DIAPH2: variants seen among roughly 807,000 people sequenced by gnomAD.
DIAPH2 encodes the protein protein diaphanous homolog 2.
A neutral mutation model predicts 92.7 loss-of-function variants in DIAPH2; 35 were observed. The observed-to-expected ratio is 0.38, with a 90% CI of 0.29 to 0.50. The LOEUF is 0.50. DIAPH2 is among the 20% of genes least tolerant of loss of function. The probability of loss-of-function intolerance (pLI) is 0.94; values close to 1 mark genes in which losing one functional copy is unlikely to be tolerated. For synonymous variants in DIAPH2, 301 were observed against 280.4 expected, an observed-to-expected ratio of 1.07 and a Z score of -0.73; for missense variants, 701 against 819.5, an observed-to-expected ratio of 0.86 and a Z score of 1.77.
chrX:97,534,582 C>A (rs1208774399), intron 26 of DIAPH2, among the ~76,000 whole-genome samples: 2 of 111,238 alleles, frequency 1.8e-5, no homozygotes, highest in Non-Finnish European at 3.8e-5. Context: ...AATTTTATTT[C>A]TTAATTTTAA....
At chrX:97,247,609 A>G (rs949795293) in intron 22 of DIAPH2, 106 bp from the exon 23 acceptor site, 2 of 721,881 alleles carry the variant, frequency 2.8e-6, no homozygotes, top group South Asian at 3.6e-5. Context: ...TCATGGAACT[A>G]TTTCCCACAT....
intron 5 of DIAPH2, among the ~76,000 whole-genome samples, chrX:96,898,605 T>A (rs2065366090): frequency 9.3e-6 from 1 of 107,806 alleles, no homozygotes; most frequent in Non-Finnish European, 1.9e-5. Flanking sequence ...TTGTTTGAGT[T>A]CATTGTAGAT....
chrX:97,496,868 GATA>G (rs1280465297), intron 26 of DIAPH2, among the ~76,000 whole-genome samples: 1 of 111,032 alleles, frequency 9.0e-6, no homozygotes, highest in African/African-American at 3.3e-5. Context: ...TGAAAAGGGA[GATA>G]ATAATTCCAA....
At position 96,958,035 on chromosome X, in the gene DIAPH2, C is replaced by T. The variant is rs140358965; in HGVS notation, c.1822C>T (p.Pro608Ser). ...LLFGGPPPPP[P>S]LGGVPPPPGI... ...ATTTGGGGGACCTCCTCCACCACCA[C>T]CCCTTGGAGGAGTTCCTCCTCCCCC... The change falls in exon 16 of 27, where the codon CCC becomes TCC. Residue 608 changes from proline to serine, a missense_variant. Coordinates refer to ENST00000324765, the MANE Select transcript of DIAPH2 (RefSeq NM_006729.5). 7 of 1,209,753 alleles carry T rather than the reference C, an allele frequency of 5.8e-6. No homozygotes were observed. Among genetic ancestry groups the T allele is most frequent in the Non-Finnish European group, 7.8e-6 (7 of 895,199 alleles).
At chrX:96,997,166 T>G (rs1365654014) in intron 17 of DIAPH2, among the ~76,000 whole-genome samples, 1 of 112,225 alleles carries the variant, frequency 8.9e-6, no homozygotes, top group South Asian at 3.7e-4. Flanking sequence ...TTTATTTATG[T>G]CAGTGATTAC....
chrX:97,006,489 G>A (rs917376850), intron 17 of DIAPH2, among the ~76,000 whole-genome samples: 6 of 111,944 alleles, frequency 5.4e-5, no homozygotes, highest in East Asian at 2.8e-4. Flanking sequence ...ATTTTGAATC[G>A]TTATATGCTC....
chrX:97,228,846 G>C (rs2067986186), intron 22 of DIAPH2, among the ~76,000 whole-genome samples: 1 of 112,064 alleles, frequency 8.9e-6, no homozygotes, highest in Non-Finnish European at 1.9e-5. Flanking sequence ...GTCTTTGCAA[G>C]ATCAATGTGG....
At chrX:97,284,631 G>C (rs1041320489) in intron 23 of DIAPH2, among the ~76,000 whole-genome samples, 8 of 107,297 alleles carry the variant, frequency 7.5e-5, no homozygotes, top group Admixed American at 2.0e-4. Flanking sequence ...AAAAAACAAA[G>C]AGTTACAAGA....
At chrX:96,719,298 A>T (rs2063974778) in intron 1 of DIAPH2, among the ~76,000 whole-genome samples, 1 of 111,789 alleles carries the variant, frequency 8.9e-6, no homozygotes, top group African/African-American at 3.3e-5. Flanking sequence ...ATGTGATCTT[A>T]TGTGTCCATT....
Position 97,593,474 on chromosome X carries a change from C to T in DIAPH2, c.3242-5779C>T, listed in dbSNP as rs775210352. Among the ~76,000 whole-genome samples the T allele has an allele frequency of 3.7e-5, 4 of 107,075 alleles. No homozygotes were observed. The East Asian group carries it at 1.2e-3, about 31-fold the overall frequency. The allele number at this position is 107,075 out of a possible 115,157, so 93.0% of individuals were successfully genotyped here. On this transcript the variant is annotated intron_variant, in intron 26 of 26. Transcript: ENST00000324765. ...GAATTATAGATAATTTAAATAGTTA[C>T]ATGTAAAAAAAAAAAACAAGTTAAA...
intron 3 of DIAPH2, among the ~76,000 whole-genome samples, chrX:96,750,051 GT>G (rs753887199): frequency 0.019 from 1,325 of 70,965 alleles, 3 homozygotes; most frequent in African/African-American, 0.056. Flanking sequence ...TATATTTCAA[GT>G]TTTTTTTTTT....
chrX:96,756,138 C>A (rs1042480565), intron 3 of DIAPH2, among the ~76,000 whole-genome samples: 1 of 111,687 alleles, frequency 9.0e-6, no homozygotes, highest in African/African-American at 3.3e-5. Flanking sequence ...AGTGCTAGGA[C>A]TTTGGCGTGA....
Position 97,599,797 on chromosome X carries a change from CTAA to C in DIAPH2, c.*483_*485del, listed in dbSNP as rs2071581199. The C allele has an allele frequency of 8.8e-6, 1 of 113,145 alleles. No individual in the cohort carries two copies. Among genetic ancestry groups the C allele is most frequent in the African/African-American group, 3.2e-5 (1 of 30,866 alleles). 9.3% of individuals were successfully genotyped at this position (113,145 alleles called of 1,213,427 possible). ...ATATGCATCTTGATTTGGAGAGAGGCTAATATTATGCACACTGTAAGAGAAGCC... is the reference window on the plus strand; with the variant it reads ...ATATGCATCTTGATTTGGAGAGAGGCTATTATGCACACTGTAAGAGAAGCC... On this transcript the variant is annotated 3_prime_UTR_variant, in exon 27 of 27. Coordinates refer to ENST00000324765, the MANE Select transcript of DIAPH2 (RefSeq NM_006729.5).
At chrX:97,493,293 C>G (rs950774772) in intron 26 of DIAPH2, among the ~76,000 whole-genome samples, 1 of 110,320 alleles carries the variant, frequency 9.1e-6, no homozygotes, top group Non-Finnish European at 1.9e-5. Flanking sequence ...CGGAGTTTCA[C>G]TCTTGTTGCC....
intron 17 of DIAPH2, among the ~76,000 whole-genome samples, chrX:97,059,425 G>A (rs1029897078): frequency 1.8e-5 from 2 of 110,988 alleles, no homozygotes; most frequent in African/African-American, 6.6e-5. Context: ...TCAGTTCCAC[G>A]AAATCTAAGT....
intron 10 of DIAPH2, among the ~76,000 whole-genome samples, chrX:96,934,602 A>G (rs1403785679): frequency 1.8e-5 from 2 of 111,536 alleles, no homozygotes; most frequent in Non-Finnish European, 3.8e-5. Context: ...ATATTCTTTA[A>G]AAATTTATTT....
intron 4 of DIAPH2, among the ~76,000 whole-genome samples, chrX:96,767,549 A>G (rs2064311665): frequency 8.9e-6 from 1 of 112,221 alleles, no homozygotes; most frequent in African/African-American, 3.2e-5. Context: ...ATTTTTGTTA[A>G]ATGTCTTGAA....
Position 96,915,762 on chromosome X carries a change from T to A in DIAPH2, c.733-676T>A, listed in dbSNP as rs2065499104. Among the ~76,000 whole-genome samples, 5 of 112,165 alleles carry A rather than the reference T, an allele frequency of 4.5e-5. No homozygotes were observed. The Admixed American group carries it at 4.7e-4, about 11-fold the overall frequency. On this transcript the variant is annotated intron_variant, in intron 7 of 26. Coordinates refer to ENST00000324765, the MANE Select transcript of DIAPH2 (RefSeq NM_006729.5). ...CTTTCATTAGAATTTCTTTACTTAT[T>A]TATTAAGTGCGTGCATGCACACGCA...
intron 1 of DIAPH2, among the ~76,000 whole-genome samples, chrX:96,714,463 C>T (rs1425006685): frequency 9.1e-6 from 1 of 110,328 alleles, no homozygotes; most frequent in Non-Finnish European, 1.9e-5. Context: ...TGGGTTTCTC[C>T]ATGTTGGTCA....
Sources: allele counts gnomAD v4.1 joint callset (sites outside exome capture counted in the v4.1 genomes callset), GRCh38; gene constraint gnomAD v4.1.1; transcripts MANE v1.5; gene names NCBI Gene and HGNC (gene_info 2026-07-23, HGNC 2026-07-21).